Variants in APPL1 observed in about 807,000 individuals in gnomAD.
The protein encoded by APPL1 is DCC-interacting protein 13-alpha.
In APPL1, 42 loss-of-function variants were observed where a neutral mutation model predicts 106.8. That is an observed-to-expected ratio of 0.39 (90% CI 0.31 to 0.51). The LOEUF (loss-of-function observed/expected upper bound fraction) is 0.51. APPL1 is among the 20% of genes least tolerant of loss of function. The pLI is 0.75. For missense variants in APPL1, 769 were observed against 858.2 expected, an observed-to-expected ratio of 0.90 and a Z score of 1.30; for synonymous variants, 263 against 281.8, an observed-to-expected ratio of 0.93 and a Z score of 0.67.
chr3:57,237,508 C>T lies in APPL1; in HGVS notation c.170C>T (p.Ala57Val). The T allele has an allele frequency of 6.2e-7, 1 of 1,602,974 alleles. No individual in the cohort carries two copies. The highest frequency in any genetic ancestry group is 8.5e-7 in the Non-Finnish European group (1 of 1,175,128). The change falls in exon 3 of 22, where the codon GCA becomes GTA. Residue 57 changes from alanine (A) to valine (V), a missense_variant. By Grantham distance (64) the Ala-to-Val change is moderately conservative. Transcript: ENST00000288266. ...TTTCCATAGAATGAATTAAGTGCAG[C>T]AACACACCTGACCTCAAAACTTTTA... is the stretch of plus-strand genomic sequence containing the variant. Reference protein sequence around the residue: ...IYDAQNELSAATHLTSKLLKE... With the variant: ...IYDAQNELSAVTHLTSKLLKE...
At chr3:57,249,197 T>C (rs1468084298) in intron 10 of APPL1, among the ~76,000 whole-genome samples, 163 bp from the exon 11 acceptor site, 1 of 152,244 alleles carries the variant, frequency 6.6e-6, no homozygotes, top group Non-Finnish European at 1.5e-5. Context: ...TCAACATACA[T>C]GAATTTATTT....
At chr3:57,250,750 G>T (rs2060799047) in intron 11 of APPL1, among the ~76,000 whole-genome samples, 1 of 150,206 alleles carries the variant, frequency 6.7e-6, no homozygotes, top group South Asian at 2.1e-4. Context: ...TAGACTATCT[G>T]CCATTTTCCC....
chr3:57,244,467 C>T (rs2060762522), intron 7 of APPL1, among the ~76,000 whole-genome samples: 1 of 152,098 alleles, frequency 6.6e-6, no homozygotes, highest in Admixed American at 6.6e-5. Flanking sequence ...GCAAAGGTTA[C>T]ACTTTTAGAA....
At chr3:57,254,208 C>G (rs971405425) in intron 13 of APPL1, among the ~76,000 whole-genome samples, 1 of 152,122 alleles carries the variant, frequency 6.6e-6, no homozygotes, top group African/African-American at 2.4e-5. Flanking sequence ...AGTGGTCTTC[C>G]TAGAACAATA....
intron 19 of APPL1, among the ~76,000 whole-genome samples, chr3:57,261,832 T>G (rs1433045184): frequency 6.6e-6 from 1 of 152,194 alleles, no homozygotes; most frequent in Admixed American, 6.5e-5. Flanking sequence ...TTTAGTTTTT[T>G]GAGAGATCTC....
Position 57,242,915 on chromosome 3 carries a change from G to A in APPL1, c.474+1G>A. The A allele has an allele frequency of 1.2e-6, 2 of 1,607,426 alleles. No homozygotes were observed. Among genetic ancestry groups the A allele is most frequent in the Non-Finnish European group, 1.7e-6 (2 of 1,174,708 alleles). Reference sequence around the variant, plus strand: ...ATCAAAAAAAAGAGAAAATGACAAGGTGTGGTACATATTTATTCCTTCAGT... The same window carrying A: ...ATCAAAAAAAAGAGAAAATGACAAGATGTGGTACATATTTATTCCTTCAGT... On this transcript the variant is annotated splice_donor_variant, in intron 7 of 21. Transcript: ENST00000288266. LOFTEE classifies it high-confidence loss of function.
intron 12 of APPL1, 38 bp from the exon 13 acceptor site, chr3:57,253,644 G>GA: frequency 8.0e-6 from 11 of 1,376,322 alleles, no homozygotes; most frequent in Admixed American, 3.5e-5. Flanking sequence ...AAGCTTTGTA[G>GA]AAAAAAAATT....
intron 5 of APPL1, among the ~76,000 whole-genome samples, chr3:57,241,129 A>G (rs1044675601): frequency 1.3e-5 from 2 of 152,200 alleles, no homozygotes; most frequent in Non-Finnish European, 2.9e-5. Context: ...AGGAGAAGCC[A>G]ATGGGGGTCT....
intron 7 of APPL1, among the ~76,000 whole-genome samples, chr3:57,245,119 C>G (rs2060765967): frequency 6.6e-6 from 1 of 152,096 alleles, no homozygotes; most frequent in Non-Finnish European, 1.5e-5. Flanking sequence ...TGTGTTTACT[C>G]TGTCACTTGG....
In APPL1 at chr3:57,227,775, T is replaced by G. The variant is rs1366666938; in HGVS notation, c.-109T>G. 4.1e-6 allele frequency: 4 copies of G among 971,400 alleles called. No homozygotes were observed. The highest frequency in any genetic ancestry group is 5.5e-6 in the Non-Finnish European group (4 of 721,156). The allele number at this position is 971,400 out of a possible 1,614,324, so 60.2% of individuals were successfully genotyped here. Reference sequence around the variant, plus strand: ...AGAAGGCTGTGCGGGCGGGGACGGCTGCAGCCCTTGCCGGAGAGGGCGGGC... The same window carrying G: ...AGAAGGCTGTGCGGGCGGGGACGGCGGCAGCCCTTGCCGGAGAGGGCGGGC... On this transcript the variant is annotated 5_prime_UTR_variant, in exon 1 of 22. Transcript: ENST00000288266.
chr3:57,259,735 A>G, intron 16 of APPL1, 110 bp from the exon 17 acceptor site: 2 of 931,624 alleles, frequency 2.1e-6, no homozygotes, highest in East Asian at 2.9e-5. Context: ...TAGAAAACCT[A>G]AAAGGAGGCA....
At chr3:57,239,238 T>A (rs1007556889) in intron 4 of APPL1, among the ~76,000 whole-genome samples, 3 of 152,162 alleles carry the variant, frequency 2.0e-5, no homozygotes, top group Non-Finnish European at 4.4e-5. Context: ...GGAGCTACAA[T>A]TGAAGATGAG....
Position 57,238,603 on chromosome 3 carries a change from G to C in APPL1, c.285+487G>C, listed in dbSNP as rs200135751. 2.6e-5 allele frequency among the ~76,000 whole-genome samples: 4 copies of C among 152,218 alleles called. No homozygotes were observed. The East Asian group carries it at 7.7e-4, about 29-fold the overall frequency. On this transcript the variant is annotated intron_variant, in intron 4 of 21. Coordinates refer to ENST00000288266, the MANE Select transcript of APPL1 (RefSeq NM_012096.3). ...GAGAGATTATGGAGAATCGTTAACT[G>C]TTCTCTACTGTTGCAGTAAAACCTC...
In APPL1 at chr3:57,253,580, C is replaced by T. The variant is rs545613601; in HGVS notation, c.1096-102C>T. On this transcript the variant is annotated intron_variant, in intron 12 of 21. Transcript: ENST00000288266. ...TCTTATAAGGAAGATAAATATATTA[C>T]TTCTAATGAAACATCTGTTGCAGTT... The T allele has an allele frequency of 3.5e-6, 3 of 845,896 alleles. No individual in the cohort carries two copies. In the East Asian group the frequency reaches 1.2e-4, roughly 35 times the overall value. 52.4% of individuals were successfully genotyped at this position (845,896 alleles called of 1,614,324 possible). A position where few individuals can be genotyped will look rare whatever the true frequency, so the allele number is the denominator to read the frequency against.
At chr3:57,232,895 G>A (rs1056445011) in intron 1 of APPL1, among the ~76,000 whole-genome samples, 21 of 152,152 alleles carry the variant, frequency 1.4e-4, no homozygotes, top group African/African-American at 4.6e-4. Context: ...CCAGCTACAC[G>A]GGAGGCTGAG....
rs775390233 is a variant in APPL1, at chr3:57,257,378, T to C, written c.1380T>C (p.Pro460=). Residue 460 remains proline, a synonymous_variant, in exon 15 of 22, where the codon CCT becomes CCC. Coordinates refer to ENST00000288266, the MANE Select transcript of APPL1 (RefSeq NM_012096.3). ...DTPIQFDIIS[P]VCEDQPGQAK... is the part of the protein sequence containing the mutation. Reference sequence around the variant, plus strand: ...CAATACAGTTTGACATAATTTCTCCTGTGTGTGAAGATCAGCCTGGCCAGG... The same window carrying C: ...CAATACAGTTTGACATAATTTCTCCCGTGTGTGAAGATCAGCCTGGCCAGG... The C allele has an allele frequency of 7.4e-6, 12 of 1,613,916 alleles. No homozygotes were observed. In the Middle Eastern group the frequency reaches 8.2e-4, roughly 111 times the overall value.
In APPL1 at chr3:57,249,563, T is replaced by C. The variant is rs775033469; in HGVS notation, c.1052+15T>C. 1.3e-6 allele frequency: 2 copies of C among 1,543,506 alleles called. No individual in the cohort carries two copies. The highest frequency in any genetic ancestry group is 8.7e-7 in the Non-Finnish European group (1 of 1,149,228). On this transcript the variant is annotated intron_variant, in intron 11 of 21. Transcript: ENST00000288266. ...GATGGAAAAAAGTTAGTATTTTTTTTCTACTACTACTAATCTATAGTATAT... is the reference window on the plus strand; with the variant it reads ...GATGGAAAAAAGTTAGTATTTTTTTCCTACTACTACTAATCTATAGTATAT...
chr3:57,264,939 A>G (rs2060886602), intron 19 of APPL1, among the ~76,000 whole-genome samples: 2 of 150,908 alleles, frequency 1.3e-5, no homozygotes, highest in African/African-American at 4.9e-5. Flanking sequence ...TGAATCTTTT[A>G]TGATTCCATA....
intron 2 of APPL1, among the ~76,000 whole-genome samples, chr3:57,236,330 C>CCTTT (rs2060716561): frequency 7.5e-6 from 1 of 133,830 alleles, no homozygotes. Flanking sequence ...ACCCAGCCCC[C>CCTTT]TTTTTTTTTT....
Sources: allele counts gnomAD v4.1 joint callset (sites outside exome capture counted in the v4.1 genomes callset), GRCh38; gene constraint gnomAD v4.1.1; transcripts MANE v1.5; gene names NCBI Gene and HGNC (gene_info 2026-07-23, HGNC 2026-07-21).